SLC10A6: variants seen among roughly 807,000 people sequenced by gnomAD.
SLC10A6 encodes sodium-dependent organic anion transporter.
Under a neutral mutation model 30.0 loss-of-function variants are expected in SLC10A6, and 27 were observed. The ratio of observed to expected loss-of-function variants is 0.90; its 90% CI spans 0.66 to 1.24. The LOEUF is 1.24. Among genes scored for constraint, SLC10A6 ranks in the 50% most tolerant of loss-of-function variants. The probability of loss-of-function intolerance (pLI) is 0.00; values close to 1 mark genes in which losing one functional copy is unlikely to be tolerated. For synonymous variants in SLC10A6, 166 were observed against 173.8 expected (o/e 0.95, Z 0.36); for missense variants, 439 against 457.0 (o/e 0.96, Z 0.36).
At chr4:86,848,087 T>C (rs1055273626) in intron 1 of SLC10A6, among the ~76,000 whole-genome samples, 1 of 152,188 alleles carries the variant, frequency 6.6e-6, no homozygotes, top group Non-Finnish European at 1.5e-5. Context: ...ATAAGGTCAC[T>C]GGCTTAAAGG....
chr4:86,842,822 C>CTTTCTTTCTTTCTTTCTTTCTTTCTTTCT (rs1746319205), intron 1 of SLC10A6, among the ~76,000 whole-genome samples: 1 of 30,926 alleles, frequency 3.2e-5, no homozygotes, highest in Non-Finnish European at 5.4e-5. Flanking sequence ...TTCTTTCTTT[C>CTTTCTTTCTTTCTTTCTTTCTTTCTTTCT]TTTCTTTCTT....
intron 1 of SLC10A6, among the ~76,000 whole-genome samples, chr4:86,839,576 C>T (rs1333340870): frequency 4.6e-5 from 7 of 152,274 alleles, no homozygotes; most frequent in East Asian, 1.9e-4. Flanking sequence ...TAAAGAACTG[C>T]GAAATATGCC....
At chr4:86,844,581 C>A (rs913176016) in intron 1 of SLC10A6, among the ~76,000 whole-genome samples, 1 of 152,194 alleles carries the variant, frequency 6.6e-6, no homozygotes, top group African/African-American at 2.4e-5. Context: ...CTTCAAAAGA[C>A]CTTTTCTGCT....
chr4:86,845,537 G>T (rs1746378908), intron 1 of SLC10A6, among the ~76,000 whole-genome samples: 1 of 152,188 alleles, frequency 6.6e-6, no homozygotes, highest in African/African-American at 2.4e-5. Flanking sequence ...GAGGCCCAAG[G>T]TCAGGATTTG....
In SLC10A6 at chr4:86,823,802, C is replaced by G; in HGVS notation, c.1020G>C (p.Glu340Asp). 1 of 1,614,214 alleles carries G rather than the reference C, an allele frequency of 6.2e-7. No individual in the cohort carries two copies. Among genetic ancestry groups the G allele is most frequent in the Non-Finnish European group, 8.5e-7 (1 of 1,180,034 alleles). ...CHTRKSTSSR[E>D]TNAFLEVNEE... ...CATTCACCTCCAAGAAGGCATTGGT[C>G]TCTCTGGAAGAAGTCGATTTCCTCG... The change falls in exon 6 of 6, where the codon GAG becomes GAC. Residue 340 changes from glutamate (E) to aspartate (D), a missense_variant. By Grantham distance (45) the Glu-to-Asp change is conservative. Transcript: ENST00000273905.
At chr4:86,834,345 G>A (rs1488572944) in intron 1 of SLC10A6, among the ~76,000 whole-genome samples, 1 of 152,086 alleles carries the variant, frequency 6.6e-6, no homozygotes, top group Non-Finnish European at 1.5e-5. Context: ...GCAGACCCTC[G>A]AGCCAAATAA....
intron 1 of SLC10A6, among the ~76,000 whole-genome samples, chr4:86,845,053 G>A (rs1274225718): frequency 1.1e-4 from 17 of 152,078 alleles, no homozygotes; most frequent in Non-Finnish European, 2.5e-4. Context: ...ATTGGGTGGG[G>A]ACACAGAGCC....
intron 1 of SLC10A6, among the ~76,000 whole-genome samples, chr4:86,837,225 G>GAGAGAAAGAAAGAAAGAA (rs1553899172): frequency 2.6e-5 from 1 of 39,136 alleles, no homozygotes; most frequent in Non-Finnish European, 4.6e-5. Flanking sequence ...GAGAGAGAGA[G>GAGAGAAAGAAAGAAAGAA]AGAAAGAAAG....
intron 1 of SLC10A6, among the ~76,000 whole-genome samples, chr4:86,839,816 C>T (rs555998779): frequency 1.3e-5 from 2 of 152,220 alleles, no homozygotes; most frequent in East Asian, 3.9e-4. Flanking sequence ...TGCTACATTT[C>T]ACAATCTTGC....
chr4:86,849,265 C>T lies in SLC10A6; in HGVS notation c.-150G>A. 13 of 890,666 alleles carry T rather than the reference C, an allele frequency of 1.5e-5. No homozygotes were observed. The highest frequency in any genetic ancestry group is 2.0e-5 in the Non-Finnish European group (12 of 588,348). The allele number at this position is 890,666 out of a possible 1,614,324, so 55.2% of individuals were successfully genotyped here. On this transcript the variant is annotated 5_prime_UTR_variant, in exon 1 of 6. Coordinates refer to ENST00000273905, the MANE Select transcript of SLC10A6 (RefSeq NM_197965.3). ...GGCCAGCAAGGTGATTCATCCTAAT[C>T]TGATCAATTTTTTCACAAGTGGCAT...
chr4:86,841,171 C>G (rs2149413283), intron 1 of SLC10A6, among the ~76,000 whole-genome samples: 1 of 152,278 alleles, frequency 6.6e-6, no homozygotes, highest in South Asian at 2.1e-4. Context: ...GGCTTTGGCT[C>G]AAACAGCAGA....
At chr4:86,829,784 T>G (rs919384050) in intron 3 of SLC10A6, among the ~76,000 whole-genome samples, 1 of 152,164 alleles carries the variant, frequency 6.6e-6, no homozygotes, top group African/African-American at 2.4e-5. Flanking sequence ...TTATGCATAT[T>G]ATTAAATGTT....
At chr4:86,848,296 C>A (rs1234684646) in intron 1 of SLC10A6, among the ~76,000 whole-genome samples, 2 of 152,216 alleles carry the variant, frequency 1.3e-5, no homozygotes, top group African/African-American at 4.8e-5. Flanking sequence ...AAAGTAGGTG[C>A]TCAGGCATCA....
At chr4:86,832,937 T>C (rs551815783) in intron 2 of SLC10A6, among the ~76,000 whole-genome samples, 1 of 152,290 alleles carries the variant, frequency 6.6e-6, no homozygotes, top group African/African-American at 2.4e-5. Context: ...AAGAGTCCAA[T>C]TGCTTTATAG....
intron 1 of SLC10A6, among the ~76,000 whole-genome samples, chr4:86,834,676 G>A (rs2149411785): frequency 6.6e-6 from 1 of 152,162 alleles, no homozygotes; most frequent in East Asian, 1.9e-4. Flanking sequence ...ATCTAGTTCT[G>A]GTACCAAGGG....
intron 4 of SLC10A6, among the ~76,000 whole-genome samples, chr4:86,826,752 G>A (rs1035527298): frequency 4.6e-5 from 7 of 152,126 alleles, no homozygotes; most frequent in African/African-American, 1.7e-4. Context: ...GGAATAGAGG[G>A]AAGACCTGGG....
At chr4:86,826,166 G>A (rs1373420358) in intron 4 of SLC10A6, among the ~76,000 whole-genome samples, 3 of 152,138 alleles carry the variant, frequency 2.0e-5, no homozygotes, top group African/African-American at 7.2e-5. Flanking sequence ...AAGATTGCTT[G>A]AGCCAGGAAT....
chr4:86,848,959 C>G lies in SLC10A6; in HGVS notation c.157G>C (p.Val53Leu), dbSNP rs746663075. 5 of 1,614,038 alleles carry G rather than the reference C, an allele frequency of 3.1e-6. No individual in the cohort carries two copies. Among genetic ancestry groups the G allele is most frequent in the African/African-American group, 1.3e-5 (1 of 74,926 alleles). The change falls in exon 1 of 6, where the codon GTG becomes CTG. Residue 53 changes from valine (V) to leucine (L), a missense_variant. Transcript: ENST00000273905. ...GLLMFSLGCS[V>L]EIRKLWSHIR... ...TGCGACCACAGCTTCCGGATCTCCACGGAACATCCCAAAGAGAACATGAGC... is the reference window on the plus strand; with the variant it reads ...TGCGACCACAGCTTCCGGATCTCCAGGGAACATCCCAAAGAGAACATGAGC...
At chr4:86,835,771 A>G (rs926097255) in intron 1 of SLC10A6, among the ~76,000 whole-genome samples, 5 of 152,228 alleles carry the variant, frequency 3.3e-5, no homozygotes, top group South Asian at 4.2e-4. Context: ...GAAAGAAAAG[A>G]AAAGAAAAGG....
Sources: allele counts gnomAD v4.1 joint callset (sites outside exome capture counted in the v4.1 genomes callset), GRCh38; gene constraint gnomAD v4.1.1; transcripts MANE v1.5; gene names NCBI Gene and HGNC (gene_info 2026-07-23, HGNC 2026-07-21).